The following SUPT6H variants were observed in gnomAD, a reference collection of about 807,000 sequenced individuals.
SUPT6H encodes the protein SPT6 homolog, histone chaperone and transcription elongation factor.
A neutral mutation model predicts 222.3 loss-of-function variants in SUPT6H; 11 were observed. The ratio of observed to expected loss-of-function variants is 0.05; its 90% CI spans 0.03 to 0.08. The LOEUF (loss-of-function observed/expected upper bound fraction) is 0.08. SUPT6H is among the 10% of genes least tolerant of loss of function. SUPT6H has a pLI of 1.00. For synonymous variants in SUPT6H, 762 were observed against 801.2 expected, an observed-to-expected ratio of 0.95 and a Z score of 0.83; for missense variants, 1,422 against 2,216.0, an observed-to-expected ratio of 0.64 and a Z score of 7.19.
chr17:28,666,711 C>G (rs1248963858), intron 1 of SUPT6H, among the ~76,000 whole-genome samples: 1 of 152,000 alleles, frequency 6.6e-6, no homozygotes, highest in African/African-American at 2.4e-5. Context: ...ACCACCACAC[C>G]CGGCTAATTT....
intron 1 of SUPT6H, among the ~76,000 whole-genome samples, chr17:28,670,653 G>C (rs1476225760): frequency 6.6e-6 from 1 of 152,126 alleles, no homozygotes; most frequent in Non-Finnish European, 1.5e-5. Context: ...TTGGGAGGCC[G>C]AGGCGGGCAG....
intron 1 of SUPT6H, among the ~76,000 whole-genome samples, chr17:28,672,404 T>C (rs879699657): frequency 6.6e-6 from 1 of 151,798 alleles, no homozygotes; most frequent in Admixed American, 6.6e-5. Context: ...TTTTTCTTTT[T>C]TTCTTTTCTT....
chr17:28,663,461 A>T (rs192571022), intron 1 of SUPT6H, among the ~76,000 whole-genome samples: 1 of 152,196 alleles, frequency 6.6e-6, no homozygotes, highest in Non-Finnish European at 1.5e-5. Flanking sequence ...GCTTAGTCAA[A>T]TTTTACAGTT....
rs183769874 is a variant in SUPT6H, at chr17:28,690,120, G to A, written c.3381G>A (p.Arg1127=). The change falls in exon 26 of 37, where the codon CGG becomes CGA. Residue 1127 remains arginine, a synonymous_variant. Transcript: ENST00000314616. ...GDKHITLYDI[R]AELSCRYKDL... ...AACACATCACACTCTATGACATCCG[G>A]GCAGAGCTGAGCTGTCGATATAAGG... 3.8e-5 allele frequency: 61 copies of A among 1,613,336 alleles called. 1 individual carries two copies. The highest frequency in any genetic ancestry group is 2.6e-4 in the South Asian group (24 of 91,038).
intron 27 of SUPT6H, 119 bp from the exon 28 acceptor site, chr17:28,693,577 C>A: frequency 8.2e-7 from 1 of 1,226,550 alleles, no homozygotes; most frequent in East Asian, 2.4e-5. Context: ...ATTGTGTTTT[C>A]AGATCATGGT....
intron 1 of SUPT6H, among the ~76,000 whole-genome samples, chr17:28,665,004 A>C (rs1481437354): frequency 1.3e-5 from 2 of 152,188 alleles, no homozygotes; most frequent in Non-Finnish European, 2.9e-5. Context: ...CCACAACAGT[A>C]TCTTCAGTTT....
In SUPT6H at chr17:28,701,397, C is replaced by A. The variant is rs2032128319; in HGVS notation, c.4995-42C>A. On this transcript the variant is annotated intron_variant, in intron 36 of 36. Coordinates refer to ENST00000314616, the MANE Select transcript of SUPT6H (RefSeq NM_003170.5). ...GTACAGTGATTGGTGGGAAGACTTC[C>A]TTCTAGCAAAGTCCCAATCTCAACT... 1.9e-6 allele frequency: 3 copies of A among 1,596,004 alleles called. No homozygotes were observed. In the South Asian group the frequency reaches 3.4e-5, roughly 18 times the overall value.
rs189398715 is a variant in SUPT6H at position 28,665,556 on chromosome 17, G to A, written c.-32+3214G>A. ...GCGGATCACCTGAGGTCAGGAGCTCGAGCCCAGGCTGGCCAACATGGTGAA... is the reference window on the plus strand; with the variant it reads ...GCGGATCACCTGAGGTCAGGAGCTCAAGCCCAGGCTGGCCAACATGGTGAA... On this transcript the variant is annotated intron_variant, in intron 1 of 36. Transcript: ENST00000314616. Among the ~76,000 whole-genome samples the A allele has an allele frequency of 1.9e-3, 295 of 152,230 alleles. No individual in the cohort carries two copies. The East Asian group carries it at 0.033, about 17-fold the overall frequency.
rs777613697 is a variant in SUPT6H, at chr17:28,697,887, C to T, written c.4324-19C>T. On this transcript the variant is annotated intron_variant, in intron 31 of 36. Coordinates refer to ENST00000314616, the MANE Select transcript of SUPT6H (RefSeq NM_003170.5). ...AAGCATGCTGCTATCCCAACCTCTCCCCCTCATTCTACCCCCAGAAATTAG... is the reference window on the plus strand; with the variant it reads ...AAGCATGCTGCTATCCCAACCTCTCTCCCTCATTCTACCCCCAGAAATTAG... The T allele has an allele frequency of 3.1e-6, 5 of 1,612,862 alleles. No individual in the cohort carries two copies. In the African/African-American group the frequency reaches 5.3e-5, roughly 17 times the overall value.
intron 11 of SUPT6H, among the ~76,000 whole-genome samples, chr17:28,680,130 C>A (rs2031014149): frequency 6.6e-6 from 1 of 150,868 alleles, no homozygotes; most frequent in Non-Finnish European, 1.5e-5. Flanking sequence ...CATGGTGAAA[C>A]CCCGTCTCTA....
intron 4 of SUPT6H, 31 bp downstream of exon 4, chr17:28,674,644 G>T: frequency 1.2e-6 from 2 of 1,606,684 alleles, no homozygotes; most frequent in Non-Finnish European, 1.7e-6. Flanking sequence ...TTTGTCCCTG[G>T]GGGTAAAGGA....
chr17:28,701,710 T>C lies in SUPT6H; in HGVS notation c.*85T>C. ...GCCTCCCTCCCTGCCCCTCCTTTTA[T>C]GTCCATAAAGTGGCGTGAAGTGAGA... is the stretch of plus-strand genomic sequence containing the variant. On this transcript the variant is annotated 3_prime_UTR_variant, in exon 37 of 37. Coordinates refer to ENST00000314616, the MANE Select transcript of SUPT6H (RefSeq NM_003170.5). 5 of 1,422,254 alleles carry C rather than the reference T, an allele frequency of 3.5e-6. No individual in the cohort carries two copies. The South Asian group carries it at 5.2e-5, about 15-fold the overall frequency. 88.1% of individuals were successfully genotyped at this position (1,422,254 alleles called of 1,614,324 possible).
rs758050412 is a variant in SUPT6H, at chr17:28,698,018, G to A, written c.4436G>A (p.Arg1479Gln). Residue 1479 changes from arginine (R) to glutamine (Q), a missense_variant, in exon 32 of 37, where the codon CGG becomes CAG. This residue lies in a region of SUPT6H where 395 missense variants were observed against 580.6 expected (regional missense o/e 0.68). Transcript: ENST00000314616. ...AAGTTCCTACTGGGATACCAGCCCC[G>A]GGGTAAACCCAGGTGAGCACTAGTG... ...PGKFLLGYQP[R>Q]GKPRIEYVTV... The A allele has an allele frequency of 1.8e-5, 29 of 1,610,340 alleles. No homozygotes were observed. The highest frequency in any genetic ancestry group is 2.3e-5 in the Non-Finnish European group (27 of 1,179,964).
chr17:28,696,840 T>A lies in SUPT6H; in HGVS notation c.3971-4T>A, dbSNP rs755232732. The A allele has an allele frequency of 1.9e-6, 3 of 1,613,858 alleles. No individual in the cohort carries two copies. Among genetic ancestry groups the A allele is most frequent in the Non-Finnish European group, 2.5e-6 (3 of 1,179,942 alleles). ...AGTCTGTACTGCTTTTCTGCCCTTT[T>A]CAGCATACATCAAGAGAGTGATCGC... On this transcript the variant is annotated splice_polypyrimidine_tract_variant and splice_region_variant and intron_variant, in intron 29 of 36. Transcript: ENST00000314616.
intron 9 of SUPT6H, 152 bp downstream of exon 9, chr17:28,678,344 T>G (rs2030883000): frequency 3.5e-6 from 3 of 864,086 alleles, no homozygotes; most frequent in Middle Eastern, 5.0e-4. Flanking sequence ...CTAGTGATCG[T>G]AAGAACAATG....
chr17:28,677,941 C>T, intron 8 of SUPT6H, 125 bp downstream of exon 8: 1 of 1,278,326 alleles, frequency 7.8e-7, no homozygotes, highest in Non-Finnish European at 1.1e-6. Flanking sequence ...GTATGTAGTC[C>T]CAACAAGTGT....
chr17:28,679,030 AC>A, intron 11 of SUPT6H, 67 bp downstream of exon 11: 1 of 1,598,854 alleles, frequency 6.3e-7, no homozygotes, highest in Non-Finnish European at 8.5e-7. Context: ...CTGCAGGAGC[AC>A]TGTTAAACCT....
intron 1 of SUPT6H, 125 bp from the exon 2 acceptor site, chr17:28,673,246 C>T (rs1462129518): frequency 3.4e-6 from 2 of 594,434 alleles, no homozygotes; most frequent in African/African-American, 1.9e-5. Flanking sequence ...TTCTTCTCCC[C>T]AAGTGGGAAT....
At chr17:28,672,178 T>C (rs1166119867) in intron 1 of SUPT6H, among the ~76,000 whole-genome samples, 1 of 152,250 alleles carries the variant, frequency 6.6e-6, no homozygotes, top group East Asian at 1.9e-4. Flanking sequence ...ATAGTGTATG[T>C]AAACATATGA....
Sources: gnomAD v4.1 joint callset for allele counts (sites outside exome capture counted in the v4.1 genomes callset) on GRCh38, gnomAD v4.1.1 for gene constraint, gnomAD v4.1.1 regional missense constraint, MANE v1.5 for transcripts, NCBI Gene and HGNC (gene_info 2026-07-23, HGNC 2026-07-21) for gene names.